VPS41: variants seen among roughly 807,000 people sequenced by gnomAD.
VPS41 encodes the protein vacuolar protein sorting-associated protein 41 homolog.
A neutral mutation model predicts 130.9 loss-of-function variants in VPS41; 85 were observed. The ratio of observed to expected loss-of-function variants is 0.65; its 90% CI spans 0.55 to 0.78. The LOEUF is 0.78. Ranked by LOEUF, VPS41 falls within the 30% of genes least tolerant of loss-of-function variation. The pLI is 0.00. For synonymous variants in VPS41, 335 were observed against 332.9 expected, an observed-to-expected ratio of 1.01 and a Z score of -0.07; for missense variants, 874 against 1,018.7, an observed-to-expected ratio of 0.86 and a Z score of 1.93.
At chr7:38,783,811 T>C (rs1043676732) in intron 10 of VPS41, among the ~76,000 whole-genome samples, 1 of 152,136 alleles carries the variant, frequency 6.6e-6, no homozygotes, top group African/African-American at 2.4e-5. Context: ...TTGTTTAAAG[T>C]AAAAAACCAT....
chr7:38,862,757 G>A, intron 3 of VPS41, 135 bp from the exon 4 acceptor site: 1 of 599,746 alleles, frequency 1.7e-6, no homozygotes, highest in Non-Finnish European at 2.9e-6. Flanking sequence ...TGCATGCCTT[G>A]GAGAAGGCTT....
At chr7:38,777,788 T>G (rs1440171032) in intron 10 of VPS41, among the ~76,000 whole-genome samples, 1 of 152,246 alleles carries the variant, frequency 6.6e-6, no homozygotes, top group Non-Finnish European at 1.5e-5. Flanking sequence ...TGTATCATAC[T>G]GGAACCAATA....
rs191971421 is a variant in VPS41, at chr7:38,843,527, A to G, written c.247-13199T>C. Among the ~76,000 whole-genome samples, 87 of 148,870 alleles carry G rather than the reference A, an allele frequency of 5.8e-4. No homozygotes were observed. In the East Asian group the frequency reaches 0.015, roughly 25 times the overall value. Reference sequence around the variant, plus strand: ...GAAACCCTGTTTCTACTAAAAATACAAAAAATTAGCCGGGCGCGGTGCTGG... The same window carrying G: ...GAAACCCTGTTTCTACTAAAAATACGAAAAATTAGCCGGGCGCGGTGCTGG... On this transcript the variant is annotated intron_variant, in intron 4 of 28. Transcript: ENST00000310301.
chr7:38,753,180 C>A (rs188928755), intron 21 of VPS41, among the ~76,000 whole-genome samples: 6 of 152,118 alleles, frequency 3.9e-5, no homozygotes, highest in South Asian at 2.1e-4. Context: ...ACCAATCCCA[C>A]GAGCATTAAC....
chr7:38,864,608 A>T (rs937024641), intron 3 of VPS41, among the ~76,000 whole-genome samples: 1 of 152,208 alleles, frequency 6.6e-6, no homozygotes, highest in Middle Eastern at 3.2e-3. Context: ...TGGATGAGTC[A>T]TATTTTCATC....
intron 2 of VPS41, among the ~76,000 whole-genome samples, chr7:38,875,853 T>A (rs968784910): frequency 2.0e-5 from 3 of 152,210 alleles, no homozygotes; most frequent in Non-Finnish European, 4.4e-5. Flanking sequence ...AATATTGCTA[T>A]TAAGGAAAAA....
At chr7:38,756,781 A>G in intron 19 of VPS41, 57 bp downstream of exon 19, 1 of 1,260,602 alleles carries the variant, frequency 7.9e-7, no homozygotes, top group Non-Finnish European at 1.1e-6. Context: ...ATATCTAAGT[A>G]TTAAATATTT....
At chr7:38,877,094 C>G (rs1330738161) in intron 2 of VPS41, among the ~76,000 whole-genome samples, 1 of 152,188 alleles carries the variant, frequency 6.6e-6, no homozygotes. Context: ...TCACAAGATC[C>G]TCAGAAGCAG....
At chr7:38,808,082 G>A (rs567259399) in intron 7 of VPS41, among the ~76,000 whole-genome samples, 1 of 152,152 alleles carries the variant, frequency 6.6e-6, no homozygotes, top group African/African-American at 2.4e-5. Context: ...GGCATTTGAT[G>A]GATATGAGAC....
intron 10 of VPS41, among the ~76,000 whole-genome samples, chr7:38,786,354 T>A (rs201306693): frequency 6.6e-6 from 1 of 152,234 alleles, no homozygotes; most frequent in East Asian, 1.9e-4. Context: ...TATTCAGCAC[T>A]GTGCTTGGTG....
chr7:38,774,820 C>G (rs551246228), intron 11 of VPS41, among the ~76,000 whole-genome samples: 1 of 152,064 alleles, frequency 6.6e-6, no homozygotes, highest in Admixed American at 6.6e-5. Flanking sequence ...ATCTCCAGTG[C>G]CCAGCACAAT....
chr7:38,794,502 T>A (rs1784586089), intron 9 of VPS41, among the ~76,000 whole-genome samples: 2 of 152,242 alleles, frequency 1.3e-5, no homozygotes, highest in African/African-American at 4.8e-5. Context: ...GAACTTTATA[T>A]AATAATGACA....
chr7:38,853,105 C>A (rs1277510042), intron 4 of VPS41, among the ~76,000 whole-genome samples: 1 of 152,126 alleles, frequency 6.6e-6, no homozygotes, highest in Non-Finnish European at 1.5e-5. Context: ...GTTCCTCACC[C>A]TTTGGTGATT....
In VPS41 at chr7:38,832,829, C is replaced by T. The variant is rs568906717; in HGVS notation, c.247-2501G>A. Among the ~76,000 whole-genome samples the T allele has an allele frequency of 2.0e-5, 3 of 152,230 alleles. No homozygotes were observed. In the East Asian group the frequency reaches 5.8e-4, roughly 29 times the overall value. On this transcript the variant is annotated intron_variant, in intron 4 of 28. Transcript: ENST00000310301. ...ATCTATACTCAAAACATAGTATTTT[C>T]TCCAGGCCATGGAATGACTCCTACA...
chr7:38,803,761 A>G (rs1444412444), intron 7 of VPS41, among the ~76,000 whole-genome samples: 1 of 152,178 alleles, frequency 6.6e-6, no homozygotes, highest in Non-Finnish European at 1.5e-5. Flanking sequence ...ACTGATGGCA[A>G]ATGGGGTCTT....
In VPS41 at chr7:38,800,478, T is replaced by C. The variant is rs528788829; in HGVS notation, c.451-3614A>G. 4.6e-5 allele frequency among the ~76,000 whole-genome samples: 7 copies of C among 152,336 alleles called. No individual in the cohort carries two copies. In the South Asian group the frequency reaches 1.5e-3, roughly 32 times the overall value. ...TTAATGGGAATGAAAATCCATTCTC[T>C]TATTTTTACAATCAGGAAAACTTAG... On this transcript the variant is annotated intron_variant, in intron 7 of 28. Coordinates refer to ENST00000310301, the MANE Select transcript of VPS41 (RefSeq NM_014396.4).
chr7:38,838,264 G>C (rs922034039), intron 4 of VPS41, among the ~76,000 whole-genome samples: 3 of 151,956 alleles, frequency 2.0e-5, no homozygotes, highest in African/African-American at 4.8e-5. Flanking sequence ...AAGAGAGAAA[G>C]GGTACAGGAT....
intron 10 of VPS41, among the ~76,000 whole-genome samples, chr7:38,786,516 C>T (rs995652611): frequency 6.6e-6 from 1 of 152,106 alleles, no homozygotes; most frequent in African/African-American, 2.4e-5. Flanking sequence ...TGTTACATCC[C>T]TCCCAAAAGG....
At chr7:38,756,756 C>T (rs1322417940) in intron 19 of VPS41, 82 bp downstream of exon 19, 1 of 1,060,646 alleles carries the variant, frequency 9.4e-7, no homozygotes, top group African/African-American at 1.6e-5. Flanking sequence ...ATTCACCAAT[C>T]CAGCATTTGG....
Sources: gnomAD v4.1 joint callset for allele counts (sites outside exome capture counted in the v4.1 genomes callset) on GRCh38, gnomAD v4.1.1 for gene constraint, MANE v1.5 for transcripts, NCBI Gene and HGNC (gene_info 2026-07-23, HGNC 2026-07-21) for gene names.